The following UBE2O variants were observed in gnomAD, a reference collection of about 807,000 sequenced individuals.
The protein encoded by UBE2O is (E3-independent) E2 ubiquitin-conjugating enzyme.
A neutral mutation model predicts 125.8 loss-of-function variants in UBE2O; 15 were observed. The ratio of observed to expected loss-of-function variants is 0.12; its 90% CI spans 0.08 to 0.18. The LOEUF is 0.18. Ranked by LOEUF, UBE2O falls within the 10% of genes least tolerant of loss-of-function variation. The probability of loss-of-function intolerance (pLI) is 1.00; values close to 1 mark genes in which losing one functional copy is unlikely to be tolerated. For missense variants in UBE2O, 1,280 were observed against 1,723.6 expected, an observed-to-expected ratio of 0.74 and a Z score of 4.56; for synonymous variants, 708 against 703.2, an observed-to-expected ratio of 1.01 and a Z score of -0.11.
Position 76,404,830 on chromosome 17 carries a change from C to A in UBE2O, c.588+376G>T, listed in dbSNP as rs1172666958. ...TGGAGCAAACGAAGTGAAATCTTAACAGCTGAGGAACCTGGATGGAGGGAC... is the reference window on the plus strand; with the variant it reads ...TGGAGCAAACGAAGTGAAATCTTAAAAGCTGAGGAACCTGGATGGAGGGAC... On this transcript the variant is annotated intron_variant, in intron 3 of 17. Transcript: ENST00000319380. This position sits in a 1 kb window ranked among gnomAD's most constrained non-coding sequence, Gnocchi z 4.3. Among the ~76,000 whole-genome samples, 2 of 152,010 alleles carry A rather than the reference C, an allele frequency of 1.3e-5. No homozygotes were observed. The highest frequency in any genetic ancestry group is 2.9e-5 in the Non-Finnish European group (2 of 68,014).
chr17:76,445,746 A>G (rs1214673340), intron 1 of UBE2O, among the ~76,000 whole-genome samples: 1 of 152,218 alleles, frequency 6.6e-6, no homozygotes, highest in Non-Finnish European at 1.5e-5. Context: ...ACACAATTCA[A>G]TTTTATTCTC....
Position 76,416,094 on chromosome 17 carries a change from T to C in UBE2O, c.418-10522A>G, listed in dbSNP as rs8076935. Among the ~76,000 whole-genome samples, 309 of 149,956 alleles carry C rather than the reference T, an allele frequency of 2.1e-3. 1 individual carries two copies. The highest frequency in any genetic ancestry group is 5.8e-3 in the African/African-American group (236 of 40,882). On this transcript the variant is annotated intron_variant, in intron 1 of 17. Transcript: ENST00000319380. ...GTATGTGTATACATATGTACATACA[T>C]GTATATGCGTATGTGTATACATATA... is the stretch of plus-strand genomic sequence containing the variant.
chr17:76,398,665 G>T lies in UBE2O; in HGVS notation c.1784-81C>A. On this transcript the variant is annotated intron_variant, in intron 10 of 17. Coordinates refer to ENST00000319380, the MANE Select transcript of UBE2O (RefSeq NM_022066.4). This position sits in a 1 kb window ranked among gnomAD's most constrained non-coding sequence, Gnocchi z 5.4. ...ACATCTCAAGCCAGTGCAGAGTGCA[G>T]AACCCTGACCTTCCCCCGTCTTGGA... 1 of 1,510,034 alleles carries T rather than the reference G, an allele frequency of 6.6e-7. No individual in the cohort carries two copies. The highest frequency in any genetic ancestry group is 1.2e-5 in the South Asian group (1 of 86,494). The allele number at this position is 1,510,034 out of a possible 1,614,324, so 93.5% of individuals were successfully genotyped here. A position where few individuals can be genotyped will look rare whatever the true frequency, so the allele number is the denominator to read the frequency against.
At position 76,412,677 on chromosome 17, in the gene UBE2O, G is replaced by T. The variant is rs978526824; in HGVS notation, c.418-7105C>A. On this transcript the variant is annotated intron_variant, in intron 1 of 17. Coordinates refer to ENST00000319380, the MANE Select transcript of UBE2O (RefSeq NM_022066.4). ...GTGGCGCCACTATAGTTCAAGACAG[G>T]GGTCACGTGTGTTAGTGCATATATA... Among the ~76,000 whole-genome samples the T allele has an allele frequency of 1.3e-4, 20 of 152,084 alleles. 1 individual carries two copies. The highest frequency in any genetic ancestry group is 4.4e-5 in the Non-Finnish European group (3 of 68,030).
At chr17:76,430,695 G>C (rs1227645552) in intron 1 of UBE2O, 2 of 281,262 alleles carry the variant, frequency 7.1e-6, no homozygotes, top group African/African-American at 2.2e-5. Context: ...TTTCAGATTT[G>C]GGTTCCCCTT....
intron 1 of UBE2O, among the ~76,000 whole-genome samples, chr17:76,443,927 G>C (rs1220012233): frequency 1.3e-5 from 2 of 152,176 alleles, no homozygotes; most frequent in Non-Finnish European, 2.9e-5. Flanking sequence ...ATACCGTTAA[G>C]AGGGCATGGT....
At chr17:76,436,445 A>C (rs1213164530) in intron 1 of UBE2O, among the ~76,000 whole-genome samples, 2 of 152,108 alleles carry the variant, frequency 1.3e-5, no homozygotes, top group African/African-American at 2.4e-5. Context: ...TATAAATCTA[A>C]GGCAAATAAG....
chr17:76,416,644 CA>C (rs1477377499), intron 1 of UBE2O, among the ~76,000 whole-genome samples: 1 of 152,210 alleles, frequency 6.6e-6, no homozygotes, highest in African/African-American at 2.4e-5. Flanking sequence ...GTTACTATTT[CA>C]AGGCAGATGA....
chr17:76,416,107 G>A (rs960342248), intron 1 of UBE2O, among the ~76,000 whole-genome samples: 6 of 151,632 alleles, frequency 4.0e-5, no homozygotes, highest in African/African-American at 1.2e-4. Context: ...ATATGCGTAT[G>A]TGTATACATA....
At position 76,396,198 on chromosome 17, in the gene UBE2O, A is replaced by G; in HGVS notation, c.2739T>C (p.Cys913=). The G allele has an allele frequency of 6.2e-7, 1 of 1,614,074 alleles. No homozygotes were observed. Among genetic ancestry groups the G allele is most frequent in the Non-Finnish European group, 8.5e-7 (1 of 1,179,994 alleles). Residue 913 remains cysteine (C), a synonymous_variant, in exon 14 of 18, where the codon TGT becomes TGC. Coordinates refer to ENST00000319380, the MANE Select transcript of UBE2O (RefSeq NM_022066.4). The surrounding 1 kb of genome is among the most constrained non-coding windows in gnomAD (Gnocchi z 6.7). ...TGAAGGTGACGCCAGGCTTGCCGCC[A>G]CACTGCTGGCACAGCACCGGGGTTT... The part of the protein sequence containing the change: ...PSETPVLCQQ[C]GGKPGVTFTS...
intron 1 of UBE2O, among the ~76,000 whole-genome samples, chr17:76,415,819 G>C (rs1268436938): frequency 6.6e-6 from 1 of 151,562 alleles, no homozygotes; most frequent in Non-Finnish European, 1.5e-5. Flanking sequence ...GTGTGTGTGT[G>C]TGTGTGTGTG....
At chr17:76,406,645 C>T (rs992498324) in intron 1 of UBE2O, among the ~76,000 whole-genome samples, 2 of 150,018 alleles carry the variant, frequency 1.3e-5, no homozygotes, top group Admixed American at 6.7e-5. Flanking sequence ...AACCCCACCA[C>T]CAACCAGCAG....
intron 5 of UBE2O, 139 bp downstream of exon 5, chr17:76,401,924 CT>C (rs1255096077): frequency 1.2e-5 from 5 of 432,242 alleles, no homozygotes; most frequent in African/African-American, 2.2e-5. Context: ...TATACCCAAA[CT>C]TTTAGACCCT....
rs747462062 is a variant in UBE2O, at chr17:76,396,050, C to G, written c.2809+78G>C. The stretch of plus-strand genomic sequence containing the variant: ...GGGTCTGGCGAGGGGACTAACCACC[C>G]TGCACCCAGATCTGGTGACACAAAC... On this transcript the variant is annotated intron_variant, in intron 14 of 17. Transcript: ENST00000319380. This position sits in a 1 kb window ranked among gnomAD's most constrained non-coding sequence, Gnocchi z 6.7. The G allele has an allele frequency of 6.5e-7, 1 of 1,534,186 alleles. No individual in the cohort carries two copies.
chr17:76,394,469 G>A (rs903748530), intron 15 of UBE2O, among the ~76,000 whole-genome samples: 1 of 152,172 alleles, frequency 6.6e-6, no homozygotes, highest in African/African-American at 2.4e-5. Flanking sequence ...GCCACATGCT[G>A]TCATCCTATT....
intron 1 of UBE2O, among the ~76,000 whole-genome samples, chr17:76,440,416 C>T (rs1366795308): frequency 2.0e-5 from 3 of 152,148 alleles, no homozygotes; most frequent in Non-Finnish European, 2.9e-5. Context: ...CCACCTCGAC[C>T]GCCAGGACTC....
At position 76,400,635 on chromosome 17, in the gene UBE2O, C is replaced by T; in HGVS notation, c.895-85G>A. The stretch of plus-strand genomic sequence containing the variant: ...CAGCTGCCCAAAGCCCACTTGACCT[C>T]CAGAGCAGGAAACTGATCTTCCTAG... On this transcript the variant is annotated intron_variant, in intron 6 of 17. Coordinates refer to ENST00000319380, the MANE Select transcript of UBE2O (RefSeq NM_022066.4). This position sits in a 1 kb window ranked among gnomAD's most constrained non-coding sequence, Gnocchi z 4.3. The T allele has an allele frequency of 3.3e-6, 3 of 901,462 alleles. No individual in the cohort carries two copies. The highest frequency in any genetic ancestry group is 5.1e-6 in the Non-Finnish European group (3 of 588,282). 55.8% of individuals were successfully genotyped at this position (901,462 alleles called of 1,614,324 possible).
chr17:76,405,466 G>A lies in UBE2O; in HGVS notation c.477+47C>T, dbSNP rs760443570. 6.4e-7 allele frequency: 1 copy of A among 1,572,948 alleles called. No individual in the cohort carries two copies. Among genetic ancestry groups the A allele is most frequent in the Non-Finnish European group, 8.6e-7 (1 of 1,158,572 alleles). ...GAGGTGGGCAGGCTCAAGTCCCTAA[G>A]GTGGCTGCCCCCAGGCCCGGGGCTG... is the stretch of plus-strand genomic sequence containing the variant. On this transcript the variant is annotated intron_variant, in intron 2 of 17. Coordinates refer to ENST00000319380, the MANE Select transcript of UBE2O (RefSeq NM_022066.4). The surrounding 1 kb of genome is among the most constrained non-coding windows in gnomAD (Gnocchi z 6.1).
In UBE2O at chr17:76,399,764, C is replaced by A. The variant is rs746319735; in HGVS notation, c.1313G>T (p.Gly438Val). The stretch of plus-strand genomic sequence containing the variant: ...CTGCATCTCCACTGGACTGGCAGAG[C>A]CATCGGGCGTCTCCTCAGGGCTGGC... ...ESASPEETPD[G>V]SASPVEMQDE... The change falls in exon 9 of 18, where the codon GGC becomes GTC. Residue 438 changes from glycine (G) to valine (V), a missense_variant. Gly to Val is a moderately radical substitution (Grantham distance 109). Transcript: ENST00000319380. The surrounding 1 kb of genome is among the most constrained non-coding windows in gnomAD (Gnocchi z 6.9). 1.2e-6 allele frequency: 2 copies of A among 1,614,096 alleles called. No homozygotes were observed. The highest frequency in any genetic ancestry group is 1.7e-6 in the Non-Finnish European group (2 of 1,180,046).
Sources: gnomAD v4.1 joint callset for allele counts (sites outside exome capture counted in the v4.1 genomes callset) on GRCh38, gnomAD v4.1.1 for gene constraint, Gnocchi (gnomAD v3.1) non-coding constraint, MANE v1.5 for transcripts, NCBI Gene and HGNC (gene_info 2026-07-23, HGNC 2026-07-21) for gene names.